Variants in NFASC observed in about 807,000 individuals in gnomAD.
NFASC encodes neurofascin homolog.
In NFASC, 43 loss-of-function variants were observed where a neutral mutation model predicts 147.5. The observed-to-expected ratio is 0.29, with a 90% CI of 0.23 to 0.38. NFASC has a LOEUF of 0.38. NFASC is among the 10% of genes least tolerant of loss of function. The pLI is 1.00. For missense variants in NFASC, 1,320 were observed against 1,689.0 expected, an observed-to-expected ratio of 0.78 and a Z score of 3.83; for synonymous variants, 622 against 665.5, an observed-to-expected ratio of 0.93 and a Z score of 1.01.
chr1:204,877,868 C>T (rs760017857), intron 1 of NFASC, among the ~76,000 whole-genome samples: 11 of 152,312 alleles, frequency 7.2e-5, no homozygotes, highest in African/African-American at 2.4e-4. Flanking sequence ...CACCAGGACC[C>T]GGAGTGGAAT....
At chr1:204,905,132 T>G (rs77796375) in intron 1 of NFASC, among the ~76,000 whole-genome samples, 1 of 152,136 alleles carries the variant, frequency 6.6e-6, no homozygotes, top group Non-Finnish European at 1.5e-5. Flanking sequence ...TTGCCCAGGC[T>G]GGAGTGCAGT....
chr1:204,971,919 G>A (rs1426894749), intron 11 of NFASC, among the ~76,000 whole-genome samples: 1 of 152,210 alleles, frequency 6.6e-6, no homozygotes, highest in Non-Finnish European at 1.5e-5. Flanking sequence ...AGCAGCTCAG[G>A]ACTTGCAGCT....
intron 11 of NFASC, 31 bp downstream of exon 11, chr1:204,970,778 C>G (rs200848861): frequency 6.2e-7 from 1 of 1,613,884 alleles, no homozygotes. Flanking sequence ...CCATCTGACT[C>G]TCATCTCTCT....
chr1:204,936,511 T>C (rs1400958447), intron 2 of NFASC, among the ~76,000 whole-genome samples: 4 of 152,114 alleles, frequency 2.6e-5, no homozygotes, highest in African/African-American at 9.7e-5. Flanking sequence ...ACTAACAGAT[T>C]CTTAAGAAAT....
rs372987202 is a variant in NFASC at position 204,927,362 on chromosome 1, C to G, written c.-91+6622C>G. 3.8e-4 allele frequency among the ~76,000 whole-genome samples: 58 copies of G among 152,274 alleles called. 2 individuals are homozygous for G. The East Asian group carries it at 8.9e-3, about 23-fold the overall frequency. Reference sequence around the variant, plus strand: ...TTTGTGTCTGGCTTCTTTTCCTTAGCAAGATGTTTTGAGAGTTCCCCACAT... The same window carrying G: ...TTTGTGTCTGGCTTCTTTTCCTTAGGAAGATGTTTTGAGAGTTCCCCACAT... On this transcript the variant is annotated intron_variant, in intron 2 of 29. Coordinates refer to ENST00000339876, the MANE Select transcript of NFASC (RefSeq NM_001005388.3).
chr1:204,915,898 T>C (rs1476744875), intron 1 of NFASC, among the ~76,000 whole-genome samples: 2 of 152,132 alleles, frequency 1.3e-5, no homozygotes, highest in Non-Finnish European at 2.9e-5. Flanking sequence ...TAAGGAATGA[T>C]CTGTAAAGAA....
intron 3 of NFASC, among the ~76,000 whole-genome samples, chr1:204,949,402 T>G (rs891071721): frequency 3.3e-5 from 5 of 152,196 alleles, no homozygotes; most frequent in African/African-American, 9.6e-5. Context: ...GGCTTTGCCC[T>G]GATGCTGGCA....
chr1:205,013,954 C>T (rs2096297593), intron 29 of NFASC, among the ~76,000 whole-genome samples: 1 of 152,212 alleles, frequency 6.6e-6, no homozygotes, highest in Non-Finnish European at 1.5e-5. Context: ...CCGACATTCC[C>T]AGAAGCATCC....
intron 1 of NFASC, among the ~76,000 whole-genome samples, chr1:204,894,740 CT>C (rs769476688): frequency 2.0e-4 from 30 of 152,210 alleles, no homozygotes; most frequent in South Asian, 4.1e-4. Flanking sequence ...CACCTTCAAG[CT>C]TGTTTTCTTA....
chr1:204,877,089 ATT>A (rs1170068111), intron 1 of NFASC, among the ~76,000 whole-genome samples: 2 of 117,478 alleles, frequency 1.7e-5, no homozygotes, highest in East Asian at 3.2e-4. Context: ...TAATATATTT[ATT>A]TATATATTTA....
intron 1 of NFASC, among the ~76,000 whole-genome samples, chr1:204,863,943 AGAAAG>A (rs2076903938): frequency 6.6e-6 from 1 of 151,736 alleles, no homozygotes; most frequent in African/African-American, 2.4e-5. Context: ...AAAGAGAGAG[AGAAAG>A]AGAGAAAGAA....
chr1:204,836,480 CAG>C (rs1673832931), intron 1 of NFASC, among the ~76,000 whole-genome samples: 1 of 152,204 alleles, frequency 6.6e-6, no homozygotes, highest in Non-Finnish European at 1.5e-5. Flanking sequence ...TGAGACCAGC[CAG>C]AGTTTTATTT....
chr1:204,955,557 G>A (rs7534993), intron 7 of NFASC, among the ~76,000 whole-genome samples: 47,186 of 152,008 alleles, frequency 0.31, 7,524 homozygotes, highest in Non-Finnish European at 0.35. Context: ...GGACAGAGTA[G>A]CATCATTCAG....
At chr1:205,014,594 C>T (rs2096312384) in intron 29 of NFASC, among the ~76,000 whole-genome samples, 2 of 152,098 alleles carry the variant, frequency 1.3e-5, no homozygotes, top group Non-Finnish European at 2.9e-5. Flanking sequence ...CCAGGGCCAC[C>T]CCTAGTCATT....
intron 1 of NFASC, among the ~76,000 whole-genome samples, chr1:204,837,372 A>G (rs1466352804): frequency 6.6e-6 from 1 of 152,182 alleles, no homozygotes; most frequent in African/African-American, 2.4e-5. Context: ...GGAAACAGCT[A>G]GTGTGGTCAG....
intron 2 of NFASC, among the ~76,000 whole-genome samples, chr1:204,939,707 G>C (rs1037139691): frequency 6.6e-6 from 1 of 152,270 alleles, no homozygotes; most frequent in Admixed American, 6.5e-5. Flanking sequence ...GGGCCCTAGG[G>C]CAAGACTGTG....
intron 1 of NFASC, among the ~76,000 whole-genome samples, chr1:204,887,600 T>G (rs2081554793): frequency 8.0e-6 from 1 of 125,632 alleles, no homozygotes; most frequent in Non-Finnish European, 1.6e-5. Flanking sequence ...TTTTTTTTTT[T>G]TTTTTTTTTT....
chr1:204,974,609 G>A, intron 13 of NFASC, 48 bp from the exon 14 acceptor site: 1 of 1,608,940 alleles, frequency 6.2e-7, no homozygotes, highest in Non-Finnish European at 8.5e-7. Context: ...CCTGCCCTTG[G>A]GCTGGTCCTG....
At chr1:204,967,968 C>CATTAAAAAA in intron 8 of NFASC, 2 of 289,802 alleles carry the variant, frequency 6.9e-6, no homozygotes, top group South Asian at 5.1e-5. Context: ...AGCCCCTCCC[C>CATTAAAAAA]GTTCCAGGGA....
Sources: allele counts gnomAD v4.1 joint callset (sites outside exome capture counted in the v4.1 genomes callset), GRCh38; gene constraint gnomAD v4.1.1; transcripts MANE v1.5; gene names NCBI Gene and HGNC (gene_info 2026-07-23, HGNC 2026-07-21).